The following B3GALT1 variants were observed in gnomAD, a reference collection of about 807,000 sequenced individuals.
B3GALT1 encodes the protein UDP-Gal:betaGlcNAc beta 1,3-galactosyltransferase, polypeptide 1.
Under a neutral mutation model 23.2 loss-of-function variants are expected in B3GALT1, and 10 were observed. The ratio of observed to expected loss-of-function variants is 0.43; its 90% CI spans 0.27 to 0.73. The LOEUF (loss-of-function observed/expected upper bound fraction) is 0.73, where lower values mean the gene tolerates loss of function less well. Ranked by LOEUF, B3GALT1 falls within the 30% of genes least tolerant of loss-of-function variation. B3GALT1 has a pLI of 0.21. For synonymous variants in B3GALT1, 156 were observed against 141.5 expected, an observed-to-expected ratio of 1.10 and a Z score of -0.73; for missense variants, 299 against 405.4, an observed-to-expected ratio of 0.74 and a Z score of 2.25.
chr2:167,465,293 A>C (rs1160827468), intron 1 of B3GALT1, among the ~76,000 whole-genome samples: 1 of 152,204 alleles, frequency 6.6e-6, no homozygotes, highest in Admixed American at 6.5e-5. Context: ...TTAACATTGC[A>C]TAAAGTGTTC....
At chr2:167,791,401 C>G (rs939834650) in intron 3 of B3GALT1, among the ~76,000 whole-genome samples, 1 of 152,166 alleles carries the variant, frequency 6.6e-6, no homozygotes, top group African/African-American at 2.4e-5. Context: ...TCCAAAATGG[C>G]TACCTGGTTT....
At chr2:167,606,777 G>C (rs1213689805) in intron 2 of B3GALT1, among the ~76,000 whole-genome samples, 1 of 152,198 alleles carries the variant, frequency 6.6e-6, no homozygotes, top group Admixed American at 6.6e-5. Context: ...ATAAAAATGT[G>C]TTCAAAGAAC....
intron 1 of B3GALT1, among the ~76,000 whole-genome samples, chr2:167,305,496 C>T (rs752435455): frequency 1.1e-4 from 17 of 152,094 alleles, no homozygotes; most frequent in Non-Finnish European, 2.1e-4. Flanking sequence ...ACTAAAGGAC[C>T]TAGAAGTGGA....
Position 167,794,823 on chromosome 2 carries a change from G to A in B3GALT1, c.-351-23849G>A, listed in dbSNP as rs114826007. Among the ~76,000 whole-genome samples, 776 of 152,274 alleles carry A rather than the reference G, an allele frequency of 5.1e-3. 5 individuals carry two copies. Among genetic ancestry groups the A allele is most frequent in the African/African-American group, 0.017 (720 of 41,572 alleles). On this transcript the variant is annotated intron_variant, in intron 3 of 4. Coordinates refer to ENST00000392690, the MANE Select transcript of B3GALT1 (RefSeq NM_020981.4). The stretch of plus-strand genomic sequence containing the variant: ...AAGTCAAAATGATCAAAGACAAAGC[G>A]ATTTCTCACCTTGCTTTAAAAATCT...
intron 1 of B3GALT1, among the ~76,000 whole-genome samples, chr2:167,390,216 A>G (rs1014384001): frequency 1.3e-5 from 2 of 152,178 alleles, no homozygotes; most frequent in East Asian, 1.9e-4. Flanking sequence ...CATTGATTCA[A>G]GTTTGTGGGG....
At chr2:167,395,031 A>G (rs1406145759) in intron 1 of B3GALT1, among the ~76,000 whole-genome samples, 1 of 152,134 alleles carries the variant, frequency 6.6e-6, no homozygotes, top group African/African-American at 2.4e-5. Flanking sequence ...CCTAATTTAT[A>G]TGATTTAGAT....
At chr2:167,639,128 C>G (rs1227452925) in intron 2 of B3GALT1, among the ~76,000 whole-genome samples, 2 of 151,938 alleles carry the variant, frequency 1.3e-5, no homozygotes, top group African/African-American at 2.4e-5. Flanking sequence ...AAAAGTATGC[C>G]TGTAATCTCC....
chr2:167,816,572 C>T (rs1688995309), intron 3 of B3GALT1, among the ~76,000 whole-genome samples: 1 of 151,962 alleles, frequency 6.6e-6, no homozygotes, highest in Non-Finnish European at 1.5e-5. Flanking sequence ...TTCCTTGCTT[C>T]CCTTTTCTTT....
At chr2:167,331,141 G>A (rs1696967623) in intron 1 of B3GALT1, among the ~76,000 whole-genome samples, 1 of 152,090 alleles carries the variant, frequency 6.6e-6, no homozygotes, top group South Asian at 2.1e-4. Context: ...GATTTCCTTG[G>A]TGGCTTAGGC....
At chr2:167,296,248 G>A (rs1430748851) in intron 1 of B3GALT1, among the ~76,000 whole-genome samples, 1 of 152,114 alleles carries the variant, frequency 6.6e-6, no homozygotes, top group Non-Finnish European at 1.5e-5. Context: ...AATATGAATA[G>A]CAATGCTAAT....
intron 3 of B3GALT1, among the ~76,000 whole-genome samples, chr2:167,733,211 C>T (rs1687434782): frequency 6.6e-6 from 1 of 152,134 alleles, no homozygotes; most frequent in African/African-American, 2.4e-5. Flanking sequence ...CATTCTCTGA[C>T]ATGGATGACA....
intron 2 of B3GALT1, among the ~76,000 whole-genome samples, chr2:167,589,903 T>C (rs1384651426): frequency 6.6e-6 from 1 of 152,182 alleles, no homozygotes; most frequent in Non-Finnish European, 1.5e-5. Flanking sequence ...CTCCAGTGAC[T>C]CTAGAGGGCT....
chr2:167,396,350 C>T (rs75160960), intron 1 of B3GALT1, among the ~76,000 whole-genome samples: 15,503 of 151,872 alleles, frequency 0.1, 954 homozygotes, highest in African/African-American at 0.18. Context: ...TTTTGCTGTC[C>T]TCTATGTGTA....
intron 2 of B3GALT1, among the ~76,000 whole-genome samples, chr2:167,552,100 C>T (rs1683758319): frequency 6.6e-6 from 1 of 152,146 alleles, no homozygotes; most frequent in African/African-American, 2.4e-5. Flanking sequence ...GTTTTGCTTG[C>T]AATGGAAAAT....
intron 3 of B3GALT1, among the ~76,000 whole-genome samples, chr2:167,723,276 AC>A (rs1382033955): frequency 6.6e-6 from 1 of 152,252 alleles, no homozygotes; most frequent in Non-Finnish European, 1.5e-5. Flanking sequence ...GAATGTTAGA[AC>A]TGGTGATTAT....
chr2:167,399,347 GA>G (rs2105287948), intron 1 of B3GALT1, among the ~76,000 whole-genome samples: 2 of 152,218 alleles, frequency 1.3e-5, no homozygotes, highest in South Asian at 4.1e-4. Flanking sequence ...AGGATGAATA[GA>G]AATGAATTGG....
At chr2:167,313,776 T>A (rs1321028260) in intron 1 of B3GALT1, among the ~76,000 whole-genome samples, 1 of 152,166 alleles carries the variant, frequency 6.6e-6, no homozygotes, top group African/African-American at 2.4e-5. Flanking sequence ...ACAAGCTAGT[T>A]TTCCAACAGA....
chr2:167,565,508 G>C (rs148695157), intron 2 of B3GALT1, among the ~76,000 whole-genome samples: 5,202 of 152,152 alleles, frequency 0.034, 151 homozygotes, highest in African/African-American at 0.082. Context: ...TTGACAAATG[G>C]GATGTAATTA....
intron 1 of B3GALT1, among the ~76,000 whole-genome samples, chr2:167,331,558 G>T (rs1696972660): frequency 6.6e-6 from 1 of 152,204 alleles, no homozygotes; most frequent in Non-Finnish European, 1.5e-5. Context: ...TGTAATAGTT[G>T]TGGCAGGTTG....
Sources: gnomAD v4.1 joint callset for allele counts (sites outside exome capture counted in the v4.1 genomes callset) on GRCh38, gnomAD v4.1.1 for gene constraint, MANE v1.5 for transcripts, NCBI Gene and HGNC (gene_info 2026-07-23, HGNC 2026-07-21) for gene names.